The following TTLL5 variants were observed in gnomAD, a reference collection of about 807,000 sequenced individuals.
TTLL5 encodes the protein tubulin polyglutamylase TTLL5.
A neutral mutation model predicts 168.4 loss-of-function variants in TTLL5; 132 were observed. That is an observed-to-expected ratio of 0.78 (90% confidence interval 0.68 to 0.91). The LOEUF (loss-of-function observed/expected upper bound fraction) is 0.91. Among genes scored for constraint, TTLL5 ranks in the 40% least tolerant of loss-of-function variants. The pLI, the probability that TTLL5 is intolerant of heterozygous loss-of-function variation, is 0.00. For synonymous variants in TTLL5, 546 were observed against 558.6 expected (o/e 0.98, Z 0.32); for missense variants, 1,545 against 1,581.5 (o/e 0.98, Z 0.39).
Position 75,775,444 on chromosome 14 carries a change from T to C in TTLL5, c.2137-40T>C, listed in dbSNP as rs777164831. The stretch of plus-strand genomic sequence containing the variant: ...GCTTGTCTTCTGTTGCTTAGCACCA[T>C]CCCTCCTTTTTTTTTCTCCCACGAC... On this transcript the variant is annotated intron_variant, in intron 21 of 31. Transcript: ENST00000298832. The C allele has an allele frequency of 4.4e-6, 7 of 1,608,712 alleles. No homozygotes were observed. The South Asian group carries it at 7.7e-5, about 18-fold the overall frequency.
chr14:75,913,541 A>G (rs1010998299), intron 31 of TTLL5, among the ~76,000 whole-genome samples: 1 of 152,210 alleles, frequency 6.6e-6, no homozygotes, highest in African/African-American at 2.4e-5. Flanking sequence ...CCCAGCCTGT[A>G]GTAGGGGCTT....
chr14:75,947,260 C>T (rs191979615), intron 31 of TTLL5, among the ~76,000 whole-genome samples: 3 of 152,196 alleles, frequency 2.0e-5, no homozygotes, highest in Non-Finnish European at 4.4e-5. Context: ...ACAAGAAAAT[C>T]TTACATAGGC....
Position 75,719,782 on chromosome 14 carries a change from G to A in TTLL5, c.890G>A (p.Ser297Asn). 6.2e-7 allele frequency: 1 copy of A among 1,613,924 alleles called. No homozygotes were observed. The highest frequency in any genetic ancestry group is 1.1e-5 in the South Asian group (1 of 91,060). The change falls in exon 11 of 32, where the codon AGT becomes AAT. Residue 297 changes from serine to asparagine, a missense_variant. Physicochemically the swap from Ser to Asn is conservative, Grantham distance 46. Coordinates refer to ENST00000298832, the MANE Select transcript of TTLL5 (RefSeq NM_015072.5). ...VEDYGNKWSM[S>N]AMLRYLKQEG... ...GATTATGGAAACAAATGGAGCATGA[G>A]TGCTATGCTTAGGTACCTGAAACAA...
intron 31 of TTLL5, among the ~76,000 whole-genome samples, chr14:75,940,802 A>G (rs1170662524): frequency 2.0e-5 from 3 of 152,216 alleles, no homozygotes; most frequent in African/African-American, 4.8e-5. Flanking sequence ...TGGGTTTATT[A>G]TAATAAAATA....
intron 27 of TTLL5, among the ~76,000 whole-genome samples, chr14:75,800,529 G>C (rs1893239983): frequency 6.6e-6 from 1 of 152,070 alleles, no homozygotes; most frequent in African/African-American, 2.4e-5. Flanking sequence ...TGATCTTTTG[G>C]GAGTGTTAAA....
At chr14:75,793,707 A>G (rs1892846768) in intron 27 of TTLL5, among the ~76,000 whole-genome samples, 1 of 152,202 alleles carries the variant, frequency 6.6e-6, no homozygotes, top group South Asian at 2.1e-4. Context: ...ATAGATATTA[A>G]CAATCTTGCA....
At chr14:75,849,236 G>C (rs530512578) in intron 28 of TTLL5, among the ~76,000 whole-genome samples, 1 of 152,174 alleles carries the variant, frequency 6.6e-6, no homozygotes, top group Non-Finnish European at 1.5e-5. Context: ...TGCTTATTGA[G>C]TGGCTAATCA....
chr14:75,879,600 AAGCTCCTC>A (rs1196301397), intron 29 of TTLL5, among the ~76,000 whole-genome samples: 1 of 152,194 alleles, frequency 6.6e-6, no homozygotes, highest in Non-Finnish European at 1.5e-5. Context: ...TTTTTTAATT[AAGCTCCTC>A]ATCTTCTAAA....
At chr14:75,936,784 T>C (rs1344019358) in intron 31 of TTLL5, among the ~76,000 whole-genome samples, 1 of 152,172 alleles carries the variant, frequency 6.6e-6, no homozygotes, top group Non-Finnish European at 1.5e-5. Context: ...GGAATTAACA[T>C]TTGTAGCCTG....
At chr14:75,731,052 A>G (rs1334936000) in intron 12 of TTLL5, among the ~76,000 whole-genome samples, 1 of 152,184 alleles carries the variant, frequency 6.6e-6, no homozygotes, top group East Asian at 1.9e-4. Flanking sequence ...ATGTAACTTC[A>G]GACTCCCTGT....
chr14:75,703,446 G>A (rs1183544898), intron 7 of TTLL5, among the ~76,000 whole-genome samples: 1 of 152,120 alleles, frequency 6.6e-6, no homozygotes, highest in Non-Finnish European at 1.5e-5. Flanking sequence ...TGGCTAACGT[G>A]GTCTCATAAG....
At chr14:75,704,915 G>A (rs1449282582) in intron 7 of TTLL5, among the ~76,000 whole-genome samples, 1 of 152,180 alleles carries the variant, frequency 6.6e-6, no homozygotes, top group African/African-American at 2.4e-5. Context: ...ATGGGCATGG[G>A]CGTTAGATGT....
In TTLL5 at chr14:75,914,033, A is replaced by AAT. The variant is rs1182456559; in HGVS notation, c.3823+11830_3823+11831dup. ...GTTTAAAAGGAAAAAAAAAAAAAAA[A>AAT]ATATATATATATATATATATATTTT... On this transcript the variant is annotated intron_variant, in intron 31 of 31. Transcript: ENST00000298832. Among the ~76,000 whole-genome samples, 121 of 71,082 alleles carry AAT rather than the reference A, an allele frequency of 1.7e-3. 5 individuals are homozygous for AAT. Among genetic ancestry groups the AAT allele is most frequent in the South Asian group, 0.011 (20 of 1,828 alleles). The allele number at this position is 71,082 out of a possible 152,430, so 46.6% of individuals were successfully genotyped here.
intron 18 of TTLL5, among the ~76,000 whole-genome samples, chr14:75,759,461 A>C (rs185864762): frequency 6.6e-6 from 1 of 152,144 alleles, no homozygotes; most frequent in African/African-American, 2.4e-5. Flanking sequence ...CATTTGAGGA[A>C]TAATAACACC....
At position 75,946,685 on chromosome 14, in the gene TTLL5, A is replaced by C. The variant is rs549220930; in HGVS notation, c.3824-7739A>C. On this transcript the variant is annotated intron_variant, in intron 31 of 31. Coordinates refer to ENST00000298832, the MANE Select transcript of TTLL5 (RefSeq NM_015072.5). ...GCCAAAAATCCCCAATAGGAGAGAC[A>C]AACAACAGACCAAATAAGTAACACA... Among the ~76,000 whole-genome samples the C allele has an allele frequency of 2.6e-5, 4 of 152,358 alleles. No individual in the cohort carries two copies. In the East Asian group the frequency reaches 5.8e-4, roughly 22 times the overall value.
At chr14:75,885,453 C>T (rs1318850488) in intron 30 of TTLL5, among the ~76,000 whole-genome samples, 1 of 152,202 alleles carries the variant, frequency 6.6e-6, no homozygotes, top group Non-Finnish European at 1.5e-5. Context: ...GATCGTACCA[C>T]TGCACTCCAG....
intron 26 of TTLL5, among the ~76,000 whole-genome samples, chr14:75,791,162 C>T (rs1044931173): frequency 3.4e-5 from 5 of 145,090 alleles, no homozygotes; most frequent in African/African-American, 1.3e-4. Context: ...TGAAAATTTA[C>T]ATACTTTGTG....
At chr14:75,852,419 C>T (rs1896908127) in intron 28 of TTLL5, among the ~76,000 whole-genome samples, 2 of 152,174 alleles carry the variant, frequency 1.3e-5, no homozygotes, top group South Asian at 4.1e-4. Context: ...TCCTTTCACC[C>T]TGTTCTCAAG....
At chr14:75,741,184 TC>T (rs1329280448) in intron 15 of TTLL5, among the ~76,000 whole-genome samples, 1 of 152,270 alleles carries the variant, frequency 6.6e-6, no homozygotes, top group African/African-American at 2.4e-5. Flanking sequence ...TGGGAAGATT[TC>T]TGAATCGTAA....
Sources: allele counts gnomAD v4.1 joint callset (sites outside exome capture counted in the v4.1 genomes callset), GRCh38; gene constraint gnomAD v4.1.1; transcripts MANE v1.5; gene names NCBI Gene and HGNC (gene_info 2026-07-23, HGNC 2026-07-21).